Variants in AQP11 observed in about 807,000 individuals in gnomAD.
AQP11 encodes aquaporin-11.
A neutral mutation model predicts 21.1 loss-of-function variants in AQP11; 20 were observed. The ratio of observed to expected loss-of-function variants is 0.95; its 90% CI spans 0.67 to 1.38. The LOEUF (loss-of-function observed/expected upper bound fraction) is 1.38, where lower values mean the gene tolerates loss of function less well. Ranked by LOEUF, AQP11 falls within the 40% of genes most tolerant of loss-of-function variation. AQP11 has a pLI of 0.00. For missense variants in AQP11, 339 were observed against 340.4 expected, an observed-to-expected ratio of 1.00 and a Z score of 0.03; for synonymous variants, 167 against 150.1, an observed-to-expected ratio of 1.11 and a Z score of -0.82.
Position 77,609,303 on chromosome 11 carries a change from T to C in AQP11, c.742T>C (p.Leu248=), listed in dbSNP as rs1590788410. Reference sequence around the variant, plus strand: ...TACTGTATTTTGTCTTTCAGGTATATTGTTGATGATTTTGATGTTCAGCTT... The same window carrying C: ...TACTGTATTTTGTCTTTCAGGTATACTGTTGATGATTTTGATGTTCAGCTT... The part of the protein sequence containing the change: ...VYWLAPSLGI[L]LMILMFSFFL... Residue 248 remains leucine (L), a synonymous_variant, in exon 3 of 3, where the codon TTG becomes CTG. Transcript: ENST00000313578. 9 of 1,612,030 alleles carry C rather than the reference T, an allele frequency of 5.6e-6. No individual in the cohort carries two copies. Among genetic ancestry groups the C allele is most frequent in the Non-Finnish European group, 6.8e-6 (8 of 1,178,844 alleles).
At chr11:77,594,466 C>T (rs888625967) in intron 1 of AQP11, among the ~76,000 whole-genome samples, 1 of 152,184 alleles carries the variant, frequency 6.6e-6, no homozygotes, top group Non-Finnish European at 1.5e-5. Flanking sequence ...CACTAAGTCC[C>T]ATCTCTCCCT....
At chr11:77,591,007 C>A in intron 1 of AQP11, 1 of 985,358 alleles carries the variant, frequency 1.0e-6, no homozygotes, top group Non-Finnish European at 1.2e-6. Context: ...TTACAAAGTT[C>A]CTTTCGATTT....
In AQP11 at chr11:77,590,401, G is replaced by T; in HGVS notation, c.409G>T (p.Ala137Ser). 1 of 1,613,962 alleles carries T rather than the reference G, an allele frequency of 6.2e-7. No homozygotes were observed. The highest frequency in any genetic ancestry group is 8.5e-7 in the Non-Finnish European group (1 of 1,180,004). ...SALCSRYCTS[A>S]LWSLGLTQYH... ...CCTGTGCAGCAGGTACTGCACAAGC[G>T]CCTTGTGGAGCTTGGGTCTGACCCA... The change falls in exon 1 of 3, where the codon GCC (alanine) becomes TCC (serine). Residue 137 changes from alanine (A) to serine (S), a missense_variant. By Grantham distance (99) the Ala-to-Ser change is moderately conservative. Coordinates refer to ENST00000313578, the MANE Select transcript of AQP11 (RefSeq NM_173039.3).
At chr11:77,594,405 C>T (rs1367166689) in intron 1 of AQP11, among the ~76,000 whole-genome samples, 1 of 152,114 alleles carries the variant, frequency 6.6e-6, no homozygotes, top group Non-Finnish European at 1.5e-5. Flanking sequence ...CTTACGAGAT[C>T]CTCTTGTCTA....
chr11:77,602,045 G>GTCTCT (rs1958818428), intron 1 of AQP11, among the ~76,000 whole-genome samples: 1 of 152,264 alleles, frequency 6.6e-6, no homozygotes, highest in Non-Finnish European at 1.5e-5. Flanking sequence ...GAGAGGGAAA[G>GTCTCT]TAGACAACGT....
rs759827563 is a variant in AQP11, at chr11:77,590,368, G to A, written c.376G>A (p.Val126Ile). Residue 126 changes from valine (V) to isoleucine (I), a missense_variant, in exon 1 of 3, where the codon GTT (valine) becomes ATT (isoleucine). Coordinates refer to ENST00000313578, the MANE Select transcript of AQP11 (RefSeq NM_173039.3). ...TGAVRLLAQLVSALCSRYCTS... is the reference protein window; with the variant it reads ...TGAVRLLAQLISALCSRYCTS... ...TGCGGTGAGGCTATTGGCTCAGCTG[G>A]TTAGTGCCCTGTGCAGCAGGTACTG... The A allele has an allele frequency of 1.2e-6, 2 of 1,613,866 alleles. No individual in the cohort carries two copies. Among genetic ancestry groups the A allele is most frequent in the Non-Finnish European group, 1.7e-6 (2 of 1,179,948 alleles).
chr11:77,609,628 T>G lies in AQP11; in HGVS notation c.*251T>G, dbSNP rs1396892995. ...ATGCTGCTAGAAAAGCCTCATTACATTAAATATAAATCAATCTTAAATGAT... is the reference window on the plus strand; with the variant it reads ...ATGCTGCTAGAAAAGCCTCATTACAGTAAATATAAATCAATCTTAAATGAT... On this transcript the variant is annotated 3_prime_UTR_variant, in exon 3 of 3. Transcript: ENST00000313578. 3.2e-6 allele frequency: 1 copy of G among 316,638 alleles called. No homozygotes were observed. Among genetic ancestry groups the G allele is most frequent in the Non-Finnish European group, 5.7e-6 (1 of 174,376 alleles). The allele number at this position is 316,638 out of a possible 1,614,324, so 19.6% of individuals were successfully genotyped here. A position where few individuals can be genotyped will look rare whatever the true frequency, so the allele number is the denominator to read the frequency against.
rs1475384581 is a variant in AQP11, at chr11:77,590,489, C to T, written c.497C>T (p.Ala166Val). 3 of 1,614,164 alleles carry T rather than the reference C, an allele frequency of 1.9e-6. No homozygotes were observed. The highest frequency in any genetic ancestry group is 1.1e-5 in the South Asian group (1 of 91,082). Residue 166 changes from alanine to valine, a missense_variant, in exon 1 of 3, where the codon GCG becomes GTG. Coordinates refer to ENST00000313578, the MANE Select transcript of AQP11 (RefSeq NM_173039.3). Reference protein sequence around the residue: ...KNPIRVDLLKAVITEAVCSFL... With the variant: ...KNPIRVDLLKVVITEAVCSFL... ...CCCATCCGAGTCGACTTGCTCAAAG[C>T]GGTCATCACAGAGGCCGTCTGCTCC... is the stretch of plus-strand genomic sequence containing the variant.
intron 2 of AQP11, among the ~76,000 whole-genome samples, chr11:77,606,274 A>C (rs1958845974): frequency 6.6e-6 from 1 of 152,086 alleles, no homozygotes; most frequent in African/African-American, 2.4e-5. Flanking sequence ...CTTAGAACAC[A>C]TTTTCCAGCC....
intron 1 of AQP11, among the ~76,000 whole-genome samples, chr11:77,593,629 A>C (rs1157019673): frequency 1.3e-5 from 2 of 152,092 alleles, no homozygotes; most frequent in East Asian, 3.9e-4. Context: ...AGAGCGAGAG[A>C]GCGAGACTCC....
rs138776551 is a variant in AQP11, at chr11:77,603,623, T to C, written c.687T>C (p.Asp229=). ...TTTCGCTACATTTCATGTGTTTTGA[T>C]GAAGCATTCCCTCAGTTTTTTATAG... ...LALSLHFMCF[D]EAFPQFFIVY... The change falls in exon 2 of 3, where the codon GAT becomes GAC. Residue 229 remains aspartate (D), a synonymous_variant. Transcript: ENST00000313578. 1.5e-4 allele frequency: 239 copies of C among 1,609,876 alleles called. 1 individual carries two copies. The African/African-American group carries it at 3.0e-3, about 20-fold the overall frequency.
At chr11:77,595,421 T>C (rs966535703) in intron 1 of AQP11, among the ~76,000 whole-genome samples, 1 of 152,172 alleles carries the variant, frequency 6.6e-6, no homozygotes, top group African/African-American at 2.4e-5. Flanking sequence ...CTCATTTCTT[T>C]CATAGAATTT....
chr11:77,609,466 C>A lies in AQP11; in HGVS notation c.*89C>A. ...CCTCATATGGAAAACACCGGCTGCA[C>A]TGGATTCATCAGTGTTAACTTCCTT... On this transcript the variant is annotated 3_prime_UTR_variant, in exon 3 of 3. Transcript: ENST00000313578. 2 of 1,041,150 alleles carry A rather than the reference C, an allele frequency of 1.9e-6. No homozygotes were observed. The highest frequency in any genetic ancestry group is 2.8e-6 in the Non-Finnish European group (2 of 719,170). 64.5% of individuals were successfully genotyped at this position (1,041,150 alleles called of 1,614,324 possible). A position where few individuals can be genotyped will look rare whatever the true frequency, so the allele number is the denominator to read the frequency against.
intron 2 of AQP11, among the ~76,000 whole-genome samples, chr11:77,607,925 A>C (rs1958856075): frequency 6.6e-6 from 1 of 151,866 alleles, no homozygotes; most frequent in Non-Finnish European, 1.5e-5. Context: ...TGACAAAAAA[A>C]TCTGTGGGTC....
intron 1 of AQP11, among the ~76,000 whole-genome samples, chr11:77,600,057 A>G (rs1408279262): frequency 1.3e-5 from 2 of 151,480 alleles, no homozygotes; most frequent in Non-Finnish European, 2.9e-5. Flanking sequence ...CCTCCTGGGT[A>G]CAAGCAGTTC....
chr11:77,592,452 TA>T (rs999934164), intron 1 of AQP11, among the ~76,000 whole-genome samples: 1 of 152,146 alleles, frequency 6.6e-6, no homozygotes, highest in Admixed American at 6.6e-5. Flanking sequence ...TTTCTACAAT[TA>T]AAAGCAGTAA....
intron 1 of AQP11, among the ~76,000 whole-genome samples, chr11:77,595,962 AGAG>A (rs946066496): frequency 1.3e-5 from 2 of 151,998 alleles, no homozygotes; most frequent in Non-Finnish European, 2.9e-5. Context: ...CAAAAAAAAA[AGAG>A]AGAAGGGAAC....
At position 77,609,352 on chromosome 11, in the gene AQP11, A is replaced by G. The variant is rs1487273437; in HGVS notation, c.791A>G (p.Asn264Ser). The G allele has an allele frequency of 3.1e-6, 5 of 1,613,044 alleles. No individual in the cohort carries two copies. The Admixed American group carries it at 8.4e-5, about 27-fold the overall frequency. Residue 264 changes from asparagine (N) to serine (S), a missense_variant, in exon 3 of 3, where the codon AAC becomes AGC. Physicochemically the swap from Asn to Ser is conservative, Grantham distance 46. Transcript: ENST00000313578. ...TTTTTCCTTCCATGGCTGCATAACAACCATACAATTAATAAAAAGGAATAA... is the reference window on the plus strand; with the variant it reads ...TTTTTCCTTCCATGGCTGCATAACAGCCATACAATTAATAAAAAGGAATAA... The part of the protein sequence containing the change: ...FSFFLPWLHN[N>S]HTINKKE
chr11:77,609,214 A>G, intron 2 of AQP11, 84 bp from the exon 3 acceptor site: 1 of 966,354 alleles, frequency 1.0e-6, no homozygotes, highest in Non-Finnish European at 1.6e-6. Context: ...TAGGTATATA[A>G]TTGTAATTTT....
Sources: allele counts gnomAD v4.1 joint callset (sites outside exome capture counted in the v4.1 genomes callset), GRCh38; gene constraint gnomAD v4.1.1; transcripts MANE v1.5; gene names NCBI Gene and HGNC (gene_info 2026-07-23, HGNC 2026-07-21).